Variants in KCNJ6 observed in about 807,000 individuals in gnomAD.
KCNJ6 encodes the protein potassium inwardly rectifying channel subfamily J member 6, also known as G protein-activated inward rectifier potassium channel 2.
Under a neutral mutation model 34.2 loss-of-function variants are expected in KCNJ6, and 9 were observed. The observed-to-expected ratio is 0.26, with a 90% confidence interval of 0.16 to 0.46. The LOEUF (loss-of-function observed/expected upper bound fraction) is 0.46, where lower values mean the gene tolerates loss of function less well. KCNJ6 is among the 20% of genes least tolerant of loss of function. The pLI, the probability that KCNJ6 is intolerant of heterozygous loss-of-function variation, is 1.00. For missense variants in KCNJ6, 236 were observed against 531.3 expected (o/e 0.44, Z 5.46); for synonymous variants, 196 against 207.1 (o/e 0.95, Z 0.46).
At chr21:37,787,567 T>C (rs2055198200) in intron 2 of KCNJ6, among the ~76,000 whole-genome samples, 1 of 152,238 alleles carries the variant, frequency 6.6e-6, no homozygotes, top group South Asian at 2.1e-4. Flanking sequence ...GAAAGTGGCA[T>C]ATCTGAGGAT....
chr21:37,709,299 G>A (rs1303483324), intron 3 of KCNJ6, among the ~76,000 whole-genome samples: 3 of 152,140 alleles, frequency 2.0e-5, no homozygotes, highest in African/African-American at 7.2e-5. Context: ...ATCACCTGAG[G>A]TGGGGAGTTC....
chr21:37,788,457 C>T (rs1212222039), intron 2 of KCNJ6, among the ~76,000 whole-genome samples: 2 of 152,148 alleles, frequency 1.3e-5, no homozygotes, highest in African/African-American at 4.8e-5. Context: ...ACCAATGTGC[C>T]TGTGAAAGAT....
chr21:37,799,042 G>A (rs1293552333), intron 2 of KCNJ6, among the ~76,000 whole-genome samples: 2 of 152,050 alleles, frequency 1.3e-5, no homozygotes, highest in Non-Finnish European at 2.9e-5. Context: ...AGTACCTATT[G>A]GTTATTTTTC....
chr21:37,764,546 T>C (rs906102482), intron 2 of KCNJ6, among the ~76,000 whole-genome samples: 2 of 152,114 alleles, frequency 1.3e-5, no homozygotes, highest in African/African-American at 4.8e-5. Flanking sequence ...GCCTAGCTAA[T>C]TTTTGTATTT....
At chr21:37,627,551 C>G (rs2054316708) in intron 3 of KCNJ6, among the ~76,000 whole-genome samples, 1 of 152,112 alleles carries the variant, frequency 6.6e-6, no homozygotes, top group Admixed American at 6.5e-5. Context: ...CAAGGAAGTA[C>G]ATGTTTATGG....
intron 2 of KCNJ6, among the ~76,000 whole-genome samples, chr21:37,833,501 T>C (rs971166196): frequency 2.0e-5 from 3 of 152,056 alleles, no homozygotes; most frequent in Non-Finnish European, 1.5e-5. Flanking sequence ...TGGATGGAAT[T>C]TTAAGATGCA....
chr21:37,657,426 A>C (rs1209762110), intron 3 of KCNJ6, among the ~76,000 whole-genome samples: 1 of 152,146 alleles, frequency 6.6e-6, no homozygotes, highest in Non-Finnish European at 1.5e-5. Context: ...GAGGCTCAGC[A>C]GTGGGAGCCC....
chr21:37,727,954 T>G (rs1331460116), intron 2 of KCNJ6, among the ~76,000 whole-genome samples: 2 of 152,252 alleles, frequency 1.3e-5, no homozygotes, highest in African/African-American at 2.4e-5. Flanking sequence ...CAAAGCCTTC[T>G]GCATCTTGAC....
In KCNJ6 at chr21:37,616,624, C is replaced by T. The variant is rs2054269220; in HGVS notation, c.*8535G>A. ...ATATATATATATATATATGGTTAGA[C>T]TCTGAACATATACGCTCGGTTAAAA... is the stretch of plus-strand genomic sequence containing the variant. On this transcript the variant is annotated 3_prime_UTR_variant, in exon 4 of 4. Transcript: ENST00000609713. 1.2e-5 allele frequency: 1 copy of T among 83,836 alleles called. No individual in the cohort carries two copies. Among genetic ancestry groups the T allele is most frequent in the African/African-American group, 5.0e-5 (1 of 19,886 alleles). The allele number at this position is 83,836 out of a possible 1,614,324, so 5.2% of individuals were successfully genotyped here.
chr21:37,818,542 C>T, intron 2 of KCNJ6, among the ~76,000 whole-genome samples: 1 of 152,156 alleles, frequency 6.6e-6, no homozygotes, highest in African/African-American at 2.4e-5. Context: ...ATCCCCTCCT[C>T]CCATGTCACT....
intron 1 of KCNJ6, among the ~76,000 whole-genome samples, chr21:37,880,922 G>A (rs1318110249): frequency 6.6e-6 from 1 of 152,130 alleles, no homozygotes; most frequent in Admixed American, 6.5e-5. Flanking sequence ...GTGGATAAGA[G>A]CCCATGGATA....
chr21:37,643,426 G>C (rs931698084), intron 3 of KCNJ6, among the ~76,000 whole-genome samples: 2 of 152,172 alleles, frequency 1.3e-5, no homozygotes, highest in African/African-American at 2.4e-5. Context: ...TGGTTTCAGA[G>C]CTCCTGTTGT....
intron 1 of KCNJ6, among the ~76,000 whole-genome samples, chr21:37,877,463 A>G (rs1035824387): frequency 2.0e-5 from 3 of 152,202 alleles, no homozygotes; most frequent in Admixed American, 6.5e-5. Context: ...TCTTCCCTCA[A>G]ACAGAAAAAC....
At chr21:37,729,945 G>C (rs1341754406) in intron 2 of KCNJ6, among the ~76,000 whole-genome samples, 2 of 152,244 alleles carry the variant, frequency 1.3e-5, no homozygotes, top group Non-Finnish European at 2.9e-5. Context: ...CATGAAGAAA[G>C]TGAGGCCCAG....
At chr21:37,835,901 T>C (rs931680106) in intron 2 of KCNJ6, among the ~76,000 whole-genome samples, 2 of 152,172 alleles carry the variant, frequency 1.3e-5, no homozygotes, top group African/African-American at 4.8e-5. Context: ...AGTATGAAAA[T>C]ATCCACTGTG....
chr21:37,650,101 G>A (rs1401495993), intron 3 of KCNJ6, among the ~76,000 whole-genome samples: 1 of 152,116 alleles, frequency 6.6e-6, no homozygotes, highest in East Asian at 1.9e-4. Context: ...CAGTGTGTCT[G>A]CATTCTAGAA....
Position 37,614,438 on chromosome 21 carries a change from CTG to C in KCNJ6, c.*10719_*10720del, listed in dbSNP as rs548648184. 5.6e-4 allele frequency: 66 copies of C among 117,098 alleles called. No individual in the cohort carries two copies. Among genetic ancestry groups the C allele is most frequent in the African/African-American group, 1.8e-3 (46 of 25,942 alleles). The allele number at this position is 117,098 out of a possible 1,614,324, so 7.3% of individuals were successfully genotyped here. On this transcript the variant is annotated 3_prime_UTR_variant, in exon 4 of 4. Transcript: ENST00000609713. ...TGTCTGTGTGAGTATGCGTGTATCT[CTG>C]TGTGTATGCATGTGTCTGTGTCTGC...
At chr21:37,768,563 TCA>T (rs2055102249) in intron 2 of KCNJ6, among the ~76,000 whole-genome samples, 2 of 152,236 alleles carry the variant, frequency 1.3e-5, no homozygotes, top group African/African-American at 2.4e-5. Flanking sequence ...ATGAACCCTC[TCA>T]GTTTTCCCTG....
chr21:37,674,525 C>G (rs868548264), intron 3 of KCNJ6, among the ~76,000 whole-genome samples: 1 of 151,804 alleles, frequency 6.6e-6, no homozygotes, highest in Non-Finnish European at 1.5e-5. Flanking sequence ...CTGGCTCCGC[C>G]GAGTCAGGCC....
Sources: allele counts gnomAD v4.1 joint callset (sites outside exome capture counted in the v4.1 genomes callset), GRCh38; gene constraint gnomAD v4.1.1; transcripts MANE v1.5; gene names NCBI Gene and HGNC (gene_info 2026-07-23, HGNC 2026-07-21).